The following CORO2B variants were observed in gnomAD, a reference collection of about 807,000 sequenced individuals.
CORO2B encodes coronin 2B, also known as coronin-2B.
Under a neutral mutation model 58.8 loss-of-function variants are expected in CORO2B, and 26 were observed. That is an observed-to-expected ratio of 0.44 (90% CI 0.32 to 0.61). The LOEUF (loss-of-function observed/expected upper bound fraction) is 0.61. CORO2B is among the 20% of genes least tolerant of loss of function. The probability of loss-of-function intolerance (pLI) is 0.04; values close to 1 mark genes in which losing one functional copy is unlikely to be tolerated. For synonymous variants in CORO2B, 242 were observed against 253.8 expected (o/e 0.95, Z 0.44); for missense variants, 460 against 645.1 (o/e 0.71, Z 3.11).
At chr15:68,681,426 T>A (rs866480920) in intron 2 of CORO2B, among the ~76,000 whole-genome samples, 1 of 151,766 alleles carries the variant, frequency 6.6e-6, no homozygotes, top group Non-Finnish European at 1.5e-5. Context: ...GGCCATATTT[T>A]CCCAAACCAA....
chr15:68,723,273 C>A (rs190039724), intron 11 of CORO2B, among the ~76,000 whole-genome samples: 1 of 148,644 alleles, frequency 6.7e-6, no homozygotes, highest in Non-Finnish European at 1.5e-5. Context: ...AGGTACCCAC[C>A]ACCATGCCTG....
At chr15:68,653,051 C>G (rs1312384164) in intron 2 of CORO2B, among the ~76,000 whole-genome samples, 1 of 152,168 alleles carries the variant, frequency 6.6e-6, no homozygotes, top group Non-Finnish European at 1.5e-5. Context: ...TGTTTCCAAA[C>G]TCCATACAAG....
chr15:68,553,061 C>G, the CORO2B span, among the ~76,000 whole-genome samples: 2 of 152,214 alleles, frequency 1.3e-5, no homozygotes, highest in African/African-American at 4.8e-5. Flanking sequence ...CAGCTCAGTC[C>G]CTGCAGCTGG....
intron 3 of CORO2B, among the ~76,000 whole-genome samples, chr15:68,706,805 G>A (rs1266636039): frequency 2.6e-5 from 4 of 152,102 alleles, no homozygotes; most frequent in African/African-American, 9.7e-5. Flanking sequence ...GTCTTCCTGG[G>A]CTCAAGCGAT....
intron 2 of CORO2B, among the ~76,000 whole-genome samples, chr15:68,670,435 C>T (rs1349003653): frequency 1.3e-5 from 2 of 152,152 alleles, no homozygotes; most frequent in African/African-American, 4.8e-5. Flanking sequence ...CTGCCTCAGC[C>T]TCTCAAAGTG....
At chr15:68,597,639 A>T (rs1899872686) in intron 1 of CORO2B, among the ~76,000 whole-genome samples, 1 of 151,136 alleles carries the variant, frequency 6.6e-6, no homozygotes, top group Admixed American at 6.6e-5. Context: ...AAAAAAAAAA[A>T]ATAAATAAAT....
chr15:68,561,389 C>A, the CORO2B span, among the ~76,000 whole-genome samples: 27,724 of 151,138 alleles, frequency 0.18, 2,777 homozygotes, highest in Middle Eastern at 0.28. Context: ...CTCCCCGACT[C>A]TCCCCTGCCC....
At chr15:68,520,502 T>C in the CORO2B span, among the ~76,000 whole-genome samples, 2 of 152,240 alleles carry the variant, frequency 1.3e-5, no homozygotes, top group Admixed American at 6.5e-5. Flanking sequence ...AGCACTTTTA[T>C]CATTATGAAA....
chr15:68,549,953 A>AAATAAAT, the CORO2B span, among the ~76,000 whole-genome samples: 24 of 144,572 alleles, frequency 1.7e-4, no homozygotes, highest in African/African-American at 5.1e-4. Flanking sequence ...AAAATAAAAT[A>AAATAAAT]AAATAAATAA....
chr15:68,598,832 A>G (rs889661488), intron 1 of CORO2B, among the ~76,000 whole-genome samples: 7 of 152,162 alleles, frequency 4.6e-5, no homozygotes, highest in African/African-American at 1.7e-4. Context: ...GACTCTCCTG[A>G]GGCCTGGAAG....
chr15:68,625,779 A>AT (rs1426130274), intron 1 of CORO2B, among the ~76,000 whole-genome samples: 1 of 151,790 alleles, frequency 6.6e-6, no homozygotes, highest in South Asian at 2.1e-4. Flanking sequence ...TAACTTTTGT[A>AT]TTTTTTGTAG....
At chr15:68,674,136 A>C (rs2140297621) in intron 2 of CORO2B, among the ~76,000 whole-genome samples, 2 of 152,166 alleles carry the variant, frequency 1.3e-5, no homozygotes, top group Middle Eastern at 3.4e-3. Context: ...CCTCCCACAG[A>C]GTCTAAGAGC....
At chr15:68,576,387 G>A (rs1330733642), upstream of CORO2B, among the ~76,000 whole-genome samples, 4 of 152,072 alleles carry the variant, frequency 2.6e-5, no homozygotes, top group African/African-American at 9.7e-5. Flanking sequence ...CACATGGGTT[G>A]GGGGCAGCAG....
intron 11 of CORO2B, 65 bp downstream of exon 11, chr15:68,719,617 G>T: frequency 6.5e-7 from 1 of 1,533,880 alleles, no homozygotes; most frequent in South Asian, 1.3e-5. Flanking sequence ...TTTCAATTAT[G>T]GGCTTCAGGC....
At chr15:68,688,493 G>A (rs1403180819) in intron 2 of CORO2B, among the ~76,000 whole-genome samples, 2 of 151,948 alleles carry the variant, frequency 1.3e-5, no homozygotes. Flanking sequence ...CAACCAGTAA[G>A]TAAAATGCAA....
the CORO2B span, among the ~76,000 whole-genome samples, chr15:68,538,749 A>G: frequency 1.9e-5 from 2 of 105,686 alleles, no homozygotes; most frequent in South Asian, 8.2e-4. Flanking sequence ...TCATCTCCCA[A>G]CCTCCCCAGA....
At chr15:68,674,263 A>C (rs1427885186) in intron 2 of CORO2B, among the ~76,000 whole-genome samples, 3 of 152,174 alleles carry the variant, frequency 2.0e-5, no homozygotes, top group Admixed American at 6.5e-5. Flanking sequence ...TCCAGAGAAG[A>C]AGCAACCCTT....
chr15:68,727,141 A>G lies in CORO2B; in HGVS notation c.*1167A>G, dbSNP rs1184942701. The G allele has an allele frequency of 6.6e-6, 1 of 152,642 alleles. No individual in the cohort carries two copies. Among genetic ancestry groups the G allele is most frequent in the Non-Finnish European group, 1.5e-5 (1 of 68,070 alleles). The allele number at this position is 152,642 out of a possible 1,614,324, so 9.5% of individuals were successfully genotyped here. A position where few individuals can be genotyped will look rare whatever the true frequency, so the allele number is the denominator to read the frequency against. ...GCTCTGCGTGTGTCTCAGCACCGCTATCTCAGCCACTTTCAGCCTTATGCA... is the reference window on the plus strand; with the variant it reads ...GCTCTGCGTGTGTCTCAGCACCGCTGTCTCAGCCACTTTCAGCCTTATGCA... On this transcript the variant is annotated 3_prime_UTR_variant, in exon 12 of 12. Coordinates refer to ENST00000261861, the MANE Select transcript of CORO2B (RefSeq NM_006091.5).
chr15:68,637,162 G>A (rs1901056295), intron 1 of CORO2B, among the ~76,000 whole-genome samples: 1 of 152,202 alleles, frequency 6.6e-6, no homozygotes, highest in South Asian at 2.1e-4. Context: ...AATGGTCAGG[G>A]CAGGGGTCTG....
Sources: gnomAD v4.1 joint callset for allele counts (sites outside exome capture counted in the v4.1 genomes callset) on GRCh38, gnomAD v4.1.1 for gene constraint, MANE v1.5 for transcripts, NCBI Gene and HGNC (gene_info 2026-07-23, HGNC 2026-07-21) for gene names.